Variants in MANEA observed in about 807,000 individuals in gnomAD.
MANEA encodes mannosidase endo-alpha.
In MANEA, 25 loss-of-function variants were observed where a neutral mutation model predicts 36.8. The ratio of observed to expected loss-of-function variants is 0.68; its 90% CI spans 0.50 to 0.95. The LOEUF (loss-of-function observed/expected upper bound fraction) is 0.95, where lower values mean the gene tolerates loss of function less well. MANEA is among the 40% of genes least tolerant of loss of function. The pLI, the probability that MANEA is intolerant of heterozygous loss-of-function variation, is 0.00. For synonymous variants in MANEA, 198 were observed against 188.5 expected, an observed-to-expected ratio of 1.05 and a Z score of -0.41; for missense variants, 565 against 558.8, an observed-to-expected ratio of 1.01 and a Z score of -0.11.
At chr6:95,586,380 A>G in intron 1 of MANEA, 22 bp from the exon 2 acceptor site, 1 of 1,361,764 alleles carries the variant, frequency 7.3e-7, no homozygotes, top group South Asian at 1.4e-5. Flanking sequence ...CTTACTAATT[A>G]TCTTTTTTCA....
rs150152262 is a variant in MANEA, at chr6:95,584,308, G to A, written c.-38-2094G>A. On this transcript the variant is annotated intron_variant, in intron 1 of 4. Coordinates refer to ENST00000358812, the MANE Select transcript of MANEA (RefSeq NM_024641.4). ...TCTTGCAGAGAGCCTATAAATGGAC[G>A]TGCAAGTAGGAGAGGTATCACTAAA... 4.4e-3 allele frequency among the ~76,000 whole-genome samples: 675 copies of A among 152,240 alleles called. 6 individuals carry two copies. The highest frequency in any genetic ancestry group is 7.9e-3 in the Non-Finnish European group (534 of 68,024).
chr6:95,589,313 A>G (rs1264068822), intron 2 of MANEA, among the ~76,000 whole-genome samples: 1 of 152,138 alleles, frequency 6.6e-6, no homozygotes, highest in African/African-American at 2.4e-5. Context: ...AAATTGTTGT[A>G]TGGTTGACTG....
At chr6:95,581,906 AAC>A (rs1769190062) in intron 1 of MANEA, among the ~76,000 whole-genome samples, 3 of 152,176 alleles carry the variant, frequency 2.0e-5, no homozygotes, top group East Asian at 1.9e-4. Context: ...ACTTTTAGAA[AAC>A]AGAGTAAGAA....
At chr6:95,601,001 G>A (rs1409384190) in intron 3 of MANEA, among the ~76,000 whole-genome samples, 1 of 152,018 alleles carries the variant, frequency 6.6e-6, no homozygotes, top group Non-Finnish European at 1.5e-5. Context: ...GGAAATGATT[G>A]GTGCTTTAGT....
intron 1 of MANEA, among the ~76,000 whole-genome samples, chr6:95,578,140 G>A (rs1769106619): frequency 6.6e-6 from 1 of 152,206 alleles, no homozygotes; most frequent in South Asian, 2.1e-4. Flanking sequence ...CTGGGCATCG[G>A]GAGGAGACCG....
rs1769302518 is a variant in MANEA, at chr6:95,587,067, T to A, written c.544+84T>A. ...TTTTTGTGTAACTTTACTAGTTAAT[T>A]TTCTCATTATTATTAATTATATTGT... is the stretch of plus-strand genomic sequence containing the variant. On this transcript the variant is annotated intron_variant, in intron 2 of 4. Coordinates refer to ENST00000358812, the MANE Select transcript of MANEA (RefSeq NM_024641.4). 5.1e-6 allele frequency: 4 copies of A among 790,622 alleles called. No individual in the cohort carries two copies. The South Asian group carries it at 6.6e-5, about 13-fold the overall frequency. 49.0% of individuals were successfully genotyped at this position (790,622 alleles called of 1,614,324 possible).
At position 95,606,285 on chromosome 6, in the gene MANEA, G is replaced by A; in HGVS notation, c.1269G>A (p.Val423=). 1 of 1,613,048 alleles carries A rather than the reference G, an allele frequency of 6.2e-7. No individual in the cohort carries two copies. The highest frequency in any genetic ancestry group is 2.2e-5 in the East Asian group (1 of 44,848). ...KAVPKRTSNT[V]YLDYRPHKPG... Reference sequence around the variant, plus strand: ...TTCCCAAAAGAACCAGTAATACAGTGTACCTAGATTACCGTCCTCATAAAC... The same window carrying A: ...TTCCCAAAAGAACCAGTAATACAGTATACCTAGATTACCGTCCTCATAAAC... The change falls in exon 5 of 5, where the codon GTG becomes GTA. Residue 423 remains valine, a synonymous_variant. Coordinates refer to ENST00000358812, the MANE Select transcript of MANEA (RefSeq NM_024641.4).
At chr6:95,587,846 C>T (rs1213684281) in intron 2 of MANEA, among the ~76,000 whole-genome samples, 4 of 151,698 alleles carry the variant, frequency 2.6e-5, no homozygotes, top group Non-Finnish European at 5.9e-5. Context: ...TCCATTTGTC[C>T]CACACGTCTG....
At chr6:95,593,295 A>C (rs1769420031) in intron 2 of MANEA, among the ~76,000 whole-genome samples, 1 of 152,222 alleles carries the variant, frequency 6.6e-6, no homozygotes. Context: ...TGGGCTGTGG[A>C]TCACAGTATA....
intron 1 of MANEA, among the ~76,000 whole-genome samples, chr6:95,586,167 A>G (rs966429004): frequency 5.9e-5 from 9 of 152,244 alleles, no homozygotes; most frequent in African/African-American, 1.7e-4. Context: ...TGGCATGTAC[A>G]TGGTGATATA....
In MANEA at chr6:95,607,204, TAC is replaced by T; in HGVS notation, c.*800_*801del. On this transcript the variant is annotated 3_prime_UTR_variant, in exon 5 of 5. Transcript: ENST00000358812. The stretch of plus-strand genomic sequence containing the variant: ...TATGAAAGTCCTTTTATGAAAAAGT[TAC>T]TGATTGCTTCTCAGTTATTAGGAAA... 1 of 152,260 alleles carries T rather than the reference TAC, an allele frequency of 6.6e-6. No individual in the cohort carries two copies. The highest frequency in any genetic ancestry group is 1.9e-4 in the East Asian group (1 of 5,186). The allele number at this position is 152,260 out of a possible 1,614,324, so 9.4% of individuals were successfully genotyped here. A position where few individuals can be genotyped will look rare whatever the true frequency, so the allele number is the denominator to read the frequency against.
In MANEA at chr6:95,592,367, T is replaced by C. The variant is rs543714091; in HGVS notation, c.545-4370T>C. 3.9e-5 allele frequency among the ~76,000 whole-genome samples: 6 copies of C among 152,340 alleles called. No homozygotes were observed. The East Asian group carries it at 1.2e-3, about 29-fold the overall frequency. On this transcript the variant is annotated intron_variant, in intron 2 of 4. Transcript: ENST00000358812. ...TAAGATATTCATTACAGTAATTTTATATTCTCTCTCTGATGATTCCAACGT... is the reference window on the plus strand; with the variant it reads ...TAAGATATTCATTACAGTAATTTTACATTCTCTCTCTGATGATTCCAACGT...
chr6:95,596,227 T>C (rs1769479610), intron 2 of MANEA, among the ~76,000 whole-genome samples: 1 of 152,100 alleles, frequency 6.6e-6, no homozygotes, highest in African/African-American at 2.4e-5. Context: ...AGGAGGTTTA[T>C]AGAGCTGGTA....
intron 1 of MANEA, among the ~76,000 whole-genome samples, chr6:95,584,955 T>C (rs1446414799): frequency 2.0e-5 from 3 of 152,230 alleles, no homozygotes; most frequent in Non-Finnish European, 4.4e-5. Context: ...CTTTCTTTTC[T>C]ATTGGAGTTA....
At chr6:95,593,542 T>C (rs1769425065) in intron 2 of MANEA, among the ~76,000 whole-genome samples, 1 of 152,250 alleles carries the variant, frequency 6.6e-6, no homozygotes, top group Admixed American at 6.5e-5. Flanking sequence ...AAATATTCTC[T>C]ATCTGTGCTG....
intron 1 of MANEA, among the ~76,000 whole-genome samples, chr6:95,579,775 C>T (rs764554487): frequency 6.6e-6 from 1 of 152,084 alleles, no homozygotes; most frequent in Non-Finnish European, 1.5e-5. Flanking sequence ...CATCACTAAG[C>T]TTCAAGTCAG....
intron 3 of MANEA, among the ~76,000 whole-genome samples, chr6:95,601,189 C>G (rs1769583932): frequency 6.6e-6 from 1 of 152,164 alleles, no homozygotes; most frequent in Non-Finnish European, 1.5e-5. Flanking sequence ...ATTTAGTAGG[C>G]TGGTTTTGCA....
intron 1 of MANEA, 102 bp from the exon 2 acceptor site, chr6:95,586,297 AATT>A: frequency 1.8e-6 from 1 of 554,324 alleles, no homozygotes; most frequent in Non-Finnish European, 3.1e-6. Context: ...AATCAGTATT[AATT>A]ATTCAATGTA....
chr6:95,579,919 C>T (rs1289557315), intron 1 of MANEA, among the ~76,000 whole-genome samples: 1 of 152,118 alleles, frequency 6.6e-6, no homozygotes, highest in Non-Finnish European at 1.5e-5. Flanking sequence ...TTGAGTAGGT[C>T]CCTGCCTTGG....
Sources: allele counts gnomAD v4.1 joint callset (sites outside exome capture counted in the v4.1 genomes callset), GRCh38; gene constraint gnomAD v4.1.1; transcripts MANE v1.5; gene names NCBI Gene and HGNC (gene_info 2026-07-23, HGNC 2026-07-21).